The following CENPL variants were observed in gnomAD, a reference collection of about 807,000 sequenced individuals.
CENPL encodes the protein interphase centromere complex protein 33.
A neutral mutation model predicts 35.2 loss-of-function variants in CENPL; 20 were observed. The ratio of observed to expected loss-of-function variants is 0.57; its 90% confidence interval spans 0.40 to 0.83. The LOEUF (loss-of-function observed/expected upper bound fraction) is 0.83, where lower values mean the gene tolerates loss of function less well. CENPL is among the 40% of genes least tolerant of loss of function. CENPL has a pLI of 0.00. For synonymous variants in CENPL, 140 were observed against 140.6 expected (o/e 1.00, Z 0.03); for missense variants, 363 against 395.8 (o/e 0.92, Z 0.70).
chr1:173,817,548 C>T (rs1013718931), intron 2 of CENPL, among the ~76,000 whole-genome samples: 1 of 152,060 alleles, frequency 6.6e-6, no homozygotes, highest in South Asian at 2.1e-4. Context: ...TGCTTTTACA[C>T]TGTTGGTGGG....
chr1:173,824,866 G>A lies in CENPL; in HGVS notation c.-756C>T. The A allele has an allele frequency of 3.0e-6, 1 of 334,098 alleles. No individual in the cohort carries two copies. Among genetic ancestry groups the A allele is most frequent in the East Asian group, 7.8e-5 (1 of 12,802 alleles). The allele number at this position is 334,098 out of a possible 1,614,324, so 20.7% of individuals were successfully genotyped here. A position where few individuals can be genotyped will look rare whatever the true frequency, so the allele number is the denominator to read the frequency against. On this transcript the variant is annotated 5_prime_UTR_variant, in exon 1 of 6. Transcript: ENST00000682279. ...TCGAGAAGCGTGGAAAGAGGAGAAG[G>A]GCGTATACCTTGTGACCGCCTCTGG...
Position 173,800,159 on chromosome 1 carries a change from CTA to C in CENPL, c.*287_*288del, listed in dbSNP as rs770471189. 6.8e-4 allele frequency: 127 copies of C among 188,134 alleles called. No individual in the cohort carries two copies. The highest frequency in any genetic ancestry group is 1.5e-3 in the East Asian group (12 of 8,208). 11.7% of individuals were successfully genotyped at this position (188,134 alleles called of 1,614,324 possible). A position where few individuals can be genotyped will look rare whatever the true frequency, so the allele number is the denominator to read the frequency against. ...ACAGGTGTGAGCCACCAAGCCCAGC[CTA>C]TATATATATATTTAAAGATGACAAG... is the stretch of plus-strand genomic sequence containing the variant. On this transcript the variant is annotated 3_prime_UTR_variant, in exon 6 of 6. Coordinates refer to ENST00000682279, the MANE Select transcript of CENPL (RefSeq NM_001387287.1).
intron 2 of CENPL, among the ~76,000 whole-genome samples, chr1:173,816,475 C>A (rs1475244990): frequency 1.3e-5 from 2 of 152,078 alleles, no homozygotes; most frequent in Non-Finnish European, 2.9e-5. Flanking sequence ...GGTACTGGTA[C>A]CAAAACAGAG....
At chr1:173,813,324 A>C (rs990017300) in intron 2 of CENPL, among the ~76,000 whole-genome samples, 5 of 152,346 alleles carry the variant, frequency 3.3e-5, no homozygotes. Flanking sequence ...AATACACAGA[A>C]CACCACAAAG....
At chr1:173,812,771 A>G (rs970890126) in intron 2 of CENPL, among the ~76,000 whole-genome samples, 12 of 152,190 alleles carry the variant, frequency 7.9e-5, no homozygotes, top group Non-Finnish European at 1.5e-4. Context: ...CCTCTTCTCC[A>G]AAGGATCACA....
chr1:173,813,916 G>A (rs1651095660), intron 2 of CENPL, among the ~76,000 whole-genome samples: 1 of 152,084 alleles, frequency 6.6e-6, no homozygotes, highest in Non-Finnish European at 1.5e-5. Flanking sequence ...TCAGTGTGCT[G>A]TATTCAGGAG....
intron 4 of CENPL, among the ~76,000 whole-genome samples, chr1:173,805,762 C>T (rs901028429): frequency 6.6e-6 from 1 of 152,036 alleles, no homozygotes; most frequent in African/African-American, 2.4e-5. Context: ...GAAAACCATG[C>T]ACTAAGGAGA....
In CENPL at chr1:173,811,266, TAGG is replaced by T; in HGVS notation, c.31_33del (p.Pro11del). Reference sequence around the variant, plus strand: ...TAATCTTCAGGTCTTGAGGATGCACTAGGAGTTGACTCTGGTGCACTGTAAGAA... The same window carrying T: ...TAATCTTCAGGTCTTGAGGATGCACTAGTTGACTCTGGTGCACTGTAAGAA... On this transcript the variant is annotated inframe_deletion, in exon 3 of 6. Transcript: ENST00000682279. 1 of 1,612,158 alleles carries T rather than the reference TAGG, an allele frequency of 6.2e-7. No homozygotes were observed. The highest frequency in any genetic ancestry group is 2.2e-5 in the East Asian group (1 of 44,858).
intron 2 of CENPL, among the ~76,000 whole-genome samples, chr1:173,814,255 T>C (rs998185773): frequency 1.8e-4 from 28 of 152,076 alleles, no homozygotes; most frequent in African/African-American, 6.0e-4. Flanking sequence ...CACCCCACTG[T>C]CAATATTAGA....
rs1363607351 is a variant in CENPL, at chr1:173,811,152, G to A, written c.148C>T (p.Pro50Ser). ...FILTPPRRKI[P>S]QCSQLQEDVD... is the part of the protein sequence containing the mutation. ...CATACCTGCAACTGCGAACACTGGG[G>A]AATTTTCCTTCGAGGTGGAGTCAGG... The change falls in exon 3 of 6, where the codon CCC becomes TCC. Residue 50 changes from proline (P) to serine (S), a missense_variant. Coordinates refer to ENST00000682279, the MANE Select transcript of CENPL (RefSeq NM_001387287.1). 1 of 1,612,626 alleles carries A rather than the reference G, an allele frequency of 6.2e-7. No homozygotes were observed. Among genetic ancestry groups the A allele is most frequent in the Non-Finnish European group, 8.5e-7 (1 of 1,178,904 alleles).
intron 2 of CENPL, among the ~76,000 whole-genome samples, chr1:173,816,627 C>T (rs1557848428): frequency 6.6e-6 from 1 of 152,074 alleles, no homozygotes; most frequent in Non-Finnish European, 1.5e-5. Flanking sequence ...AACTGGCTAG[C>T]CTTATGTAGA....
chr1:173,819,145 G>T (rs957109219), intron 2 of CENPL, among the ~76,000 whole-genome samples: 20 of 152,014 alleles, frequency 1.3e-4, no homozygotes, highest in African/African-American at 3.6e-4. Context: ...GCTGAAGTAG[G>T]ACTGCATGAG....
At position 173,803,525 on chromosome 1, in the gene CENPL, G is replaced by T; in HGVS notation, c.421-20C>A. 1 of 1,520,510 alleles carries T rather than the reference G, an allele frequency of 6.6e-7. No individual in the cohort carries two copies. Among genetic ancestry groups the T allele is most frequent in the Non-Finnish European group, 8.8e-7 (1 of 1,134,066 alleles). 94.2% of individuals were successfully genotyped at this position (1,520,510 alleles called of 1,614,324 possible). ...CACAATCTACAAAGAAAGTAAACAG[G>T]CTCCTTAAATTCAAAAGTACATTTA... On this transcript the variant is annotated intron_variant, in intron 4 of 5. Transcript: ENST00000682279.
intron 2 of CENPL, among the ~76,000 whole-genome samples, chr1:173,817,169 T>C (rs1215405407): frequency 3.3e-5 from 5 of 150,496 alleles, no homozygotes; most frequent in African/African-American, 1.2e-4. Context: ...AATAAATAAA[T>C]AAATACTGTC....
intron 2 of CENPL, among the ~76,000 whole-genome samples, chr1:173,812,011 T>A (rs1650877744): frequency 1.3e-5 from 2 of 152,226 alleles, no homozygotes; most frequent in Non-Finnish European, 2.9e-5. Context: ...ACTAGGAGAT[T>A]CTCTCCCGTG....
At chr1:173,815,003 T>C (rs763475138) in intron 2 of CENPL, among the ~76,000 whole-genome samples, 1 of 152,192 alleles carries the variant, frequency 6.6e-6, no homozygotes, top group Non-Finnish European at 1.5e-5. Flanking sequence ...CTAAAGGGAA[T>C]ATCACCAGTG....
chr1:173,814,785 A>G (rs1651192370), intron 2 of CENPL, among the ~76,000 whole-genome samples: 1 of 152,238 alleles, frequency 6.6e-6, no homozygotes, highest in Non-Finnish European at 1.5e-5. Flanking sequence ...TAGAGAAGCA[A>G]GAGCAAACAA....
At position 173,803,405 on chromosome 1, in the gene CENPL, A is replaced by G. The variant is rs751694607; in HGVS notation, c.521T>C (p.Val174Ala). The change falls in exon 5 of 6, where the codon GTT becomes GCT. Residue 174 changes from valine to alanine, a missense_variant. Physicochemically the swap from Val to Ala is moderately conservative, Grantham distance 64. Transcript: ENST00000682279. ...GGGCAGACAGGTGAAATCTTCTGAAACAGTCTCCAGAAGACTGTCTCCAAA... is the reference window on the plus strand; with the variant it reads ...GGGCAGACAGGTGAAATCTTCTGAAGCAGTCTCCAGAAGACTGTCTCCAAA... ...CVFGDSLLET[V>A]SEDFTCLPLF... 9.5e-5 allele frequency: 154 copies of G among 1,613,846 alleles called. No homozygotes were observed. Among genetic ancestry groups the G allele is most frequent in the Non-Finnish European group, 1.2e-4 (146 of 1,179,816 alleles).
rs1231532691 is a variant in CENPL at position 173,807,376 on chromosome 1, T to G, written c.311A>C (p.Gln104Pro). ...TCCCACTTCCACAGCAAGTCCTTTT[T>G]GCTTTTCAGCAACAATAAAAGCATT... ...LLNAFIVAEK[Q>P]KGLAVEVGED... Residue 104 changes from glutamine to proline, a missense_variant, in exon 4 of 6, where the codon CAA becomes CCA. Gln to Pro is a moderately conservative substitution (Grantham distance 76). Transcript: ENST00000682279. The G allele has an allele frequency of 6.2e-7, 1 of 1,613,850 alleles. No individual in the cohort carries two copies. Among genetic ancestry groups the G allele is most frequent in the East Asian group, 2.2e-5 (1 of 44,834 alleles).
Sources: gnomAD v4.1 joint callset for allele counts (sites outside exome capture counted in the v4.1 genomes callset) on GRCh38, gnomAD v4.1.1 for gene constraint, MANE v1.5 for transcripts, NCBI Gene and HGNC (gene_info 2026-07-23, HGNC 2026-07-21) for gene names.